Variants in ITSN1 observed in about 807,000 individuals in gnomAD.
ITSN1 encodes intersectin 1.
In ITSN1, 58 loss-of-function variants were observed where a neutral mutation model predicts 239.8. The observed-to-expected ratio is 0.24, with a 90% confidence interval of 0.20 to 0.30. The LOEUF is 0.30. Among genes scored for constraint, ITSN1 ranks in the 10% least tolerant of loss-of-function variants. The probability of loss-of-function intolerance (pLI) is 1.00; values close to 1 mark genes in which losing one functional copy is unlikely to be tolerated. For synonymous variants in ITSN1, 780 were observed against 770.8 expected, an observed-to-expected ratio of 1.01 and a Z score of -0.20; for missense variants, 1,558 against 2,103.3, an observed-to-expected ratio of 0.74 and a Z score of 5.07.
intron 36 of ITSN1, among the ~76,000 whole-genome samples, chr21:33,883,894 G>GTTTTTTTT (rs34448559): frequency 1.8e-5 from 2 of 109,776 alleles, no homozygotes; most frequent in South Asian, 3.3e-4. Flanking sequence ...TTTTGCTTGA[G>GTTTTTTTT]TTTTTTTTTT....
chr21:33,649,355 T>C (rs1041127118), intron 1 of ITSN1, among the ~76,000 whole-genome samples: 7 of 152,232 alleles, frequency 4.6e-5, no homozygotes, highest in African/African-American at 1.7e-4. Flanking sequence ...TGGTAGAATG[T>C]CACTCCAGTT....
At chr21:33,777,348 C>T (rs1466598715) in intron 14 of ITSN1, among the ~76,000 whole-genome samples, 2 of 152,130 alleles carry the variant, frequency 1.3e-5, no homozygotes, top group Non-Finnish European at 2.9e-5. Context: ...CAGTACCTCA[C>T]CCTGTTGATA....
At chr21:33,824,303 A>G (rs1272028360) in intron 25 of ITSN1, among the ~76,000 whole-genome samples, 1 of 152,216 alleles carries the variant, frequency 6.6e-6, no homozygotes, top group African/African-American at 2.4e-5. Context: ...GTTGAATGGA[A>G]TGGTGGGGTG....
chr21:33,749,375 G>A (rs1264842642), intron 5 of ITSN1, among the ~76,000 whole-genome samples: 1 of 152,102 alleles, frequency 6.6e-6, no homozygotes, highest in Non-Finnish European at 1.5e-5. Context: ...AGGCACAGTG[G>A]CTCATGCCTG....
rs892805758 is a variant in ITSN1 at position 33,699,732 on chromosome 21, A to G, written c.-32-19065A>G. On this transcript the variant is annotated intron_variant, in intron 1 of 39. Transcript: ENST00000381318. ...AGGTCCTATCTCAAAAAATTATAGA[A>G]TAAATAAATAAGCAAGCCCAAAGGC... Among the ~76,000 whole-genome samples, 7 of 152,296 alleles carry G rather than the reference A, an allele frequency of 4.6e-5. No homozygotes were observed. The East Asian group carries it at 9.6e-4, about 21-fold the overall frequency.
At chr21:33,816,686 T>A (rs1281797238) in intron 22 of ITSN1, among the ~76,000 whole-genome samples, 1 of 151,996 alleles carries the variant, frequency 6.6e-6, no homozygotes, top group Non-Finnish European at 1.5e-5. Flanking sequence ...AACCCTGGGG[T>A]CCATACGTAG....
At position 33,721,299 on chromosome 21, in the gene ITSN1, T is replaced by A. The variant is rs749992909; in HGVS notation, c.121+29T>A. On this transcript the variant is annotated intron_variant, in intron 3 of 39. Coordinates refer to ENST00000381318, the MANE Select transcript of ITSN1 (RefSeq NM_003024.3). ...ATCACAGTCAGCATTTTTTCATTTT[T>A]ACTTATCAGTAGTGCAGATGTCTGT... 4.3e-6 allele frequency: 6 copies of A among 1,394,130 alleles called. No homozygotes were observed. The South Asian group carries it at 6.9e-5, about 16-fold the overall frequency. 86.4% of individuals were successfully genotyped at this position (1,394,130 alleles called of 1,614,324 possible).
intron 29 of ITSN1, among the ~76,000 whole-genome samples, chr21:33,854,365 G>C (rs56951023): frequency 0.018 from 2,808 of 152,314 alleles, 84 homozygotes; most frequent in African/African-American, 0.063. Context: ...GGACCATCCT[G>C]AACGCTCCAG....
intron 5 of ITSN1, among the ~76,000 whole-genome samples, chr21:33,743,903 A>G (rs889773379): frequency 3.9e-5 from 6 of 152,220 alleles, no homozygotes; most frequent in African/African-American, 1.4e-4. Context: ...ACTGACTTTC[A>G]AGTAGAAAAA....
At chr21:33,787,108 T>C (rs977797324) in intron 16 of ITSN1, among the ~76,000 whole-genome samples, 14 of 152,238 alleles carry the variant, frequency 9.2e-5, no homozygotes, top group Non-Finnish European at 1.9e-4. Context: ...GATTCTTTCC[T>C]ATTGACGAGT....
chr21:33,820,860 A>AAG (rs1444894181), intron 24 of ITSN1, among the ~76,000 whole-genome samples: 1 of 150,402 alleles, frequency 6.6e-6, no homozygotes, highest in Admixed American at 6.7e-5. Flanking sequence ...CAAAAGATAA[A>AAG]GAAAAAAACT....
intron 4 of ITSN1, among the ~76,000 whole-genome samples, chr21:33,725,120 A>ATTTTTTTTTTTTGTTTTTTT (rs2065744788): frequency 8.4e-6 from 1 of 118,740 alleles, no homozygotes; most frequent in Non-Finnish European, 1.7e-5. Context: ...AAAAAAAAAA[A>ATTTTTTTTTTTTGTTTTTTT]TTTTTTTTTT....
chr21:33,859,089 GTGCTGGCTCCA>G (rs947397677), intron 31 of ITSN1, among the ~76,000 whole-genome samples: 15 of 149,372 alleles, frequency 1.0e-4, no homozygotes, highest in African/African-American at 3.6e-4. Flanking sequence ...GCTCCTGATG[GTGCTGGCTCCA>G]TGCTGGGGCG....
chr21:33,802,535 C>T, intron 20 of ITSN1, 91 bp downstream of exon 20: 6 of 1,294,264 alleles, frequency 4.6e-6, no homozygotes, highest in Non-Finnish European at 6.7e-6. Context: ...ACACGTATCT[C>T]TGGGTGTTGT....
intron 1 of ITSN1, among the ~76,000 whole-genome samples, chr21:33,662,836 C>T (rs920934116): frequency 3.3e-5 from 5 of 152,204 alleles, no homozygotes; most frequent in African/African-American, 4.8e-5. Context: ...AGGTCTTTCA[C>T]ATATGCCATC....
intron 1 of ITSN1, among the ~76,000 whole-genome samples, chr21:33,681,014 T>A (rs944091386): frequency 2.0e-5 from 3 of 152,238 alleles, no homozygotes; most frequent in Non-Finnish European, 4.4e-5. Context: ...CTTTGTGGGC[T>A]TCATGCCATG....
chr21:33,838,870 G>A (rs2074727002), intron 29 of ITSN1, among the ~76,000 whole-genome samples: 1 of 152,212 alleles, frequency 6.6e-6, no homozygotes, highest in South Asian at 2.1e-4. Flanking sequence ...TAATGTACTG[G>A]TGAACACCCC....
chr21:33,772,368 C>T, intron 12 of ITSN1, 45 bp downstream of exon 12: 1 of 1,541,996 alleles, frequency 6.5e-7, no homozygotes, highest in Non-Finnish European at 8.8e-7. Flanking sequence ...TGTGCGATCA[C>T]CCCTTTTCAG....
chr21:33,771,441 T>C (rs2069152842), intron 11 of ITSN1, among the ~76,000 whole-genome samples: 2 of 151,900 alleles, frequency 1.3e-5, no homozygotes, highest in Non-Finnish European at 1.5e-5. Flanking sequence ...GATGATGGGA[T>C]TGTAGAAAAT....
Sources: gnomAD v4.1 joint callset for allele counts (sites outside exome capture counted in the v4.1 genomes callset) on GRCh38, gnomAD v4.1.1 for gene constraint, MANE v1.5 for transcripts, NCBI Gene and HGNC (gene_info 2026-07-23, HGNC 2026-07-21) for gene names.